FHIP2A: variants seen among roughly 807,000 people sequenced by gnomAD.
FHIP2A encodes the protein FHF complex subunit HOOK interacting protein 2A, also known as family with sequence similarity 160 member B1.
A neutral mutation model predicts 93.5 loss-of-function variants in FHIP2A; 46 were observed. The ratio of observed to expected loss-of-function variants is 0.49; its 90% CI spans 0.39 to 0.63. The LOEUF (loss-of-function observed/expected upper bound fraction) is 0.63, where lower values mean the gene tolerates loss of function less well. Among genes scored for constraint, FHIP2A ranks in the 20% least tolerant of loss-of-function variants. The pLI, the probability that FHIP2A is intolerant of heterozygous loss-of-function variation, is 0.00. For missense variants in FHIP2A, 769 were observed against 909.7 expected (o/e 0.85, Z 1.99); for synonymous variants, 332 against 326.5 (o/e 1.02, Z -0.18).
At chr10:114,892,378 G>T (rs1300402868) in intron 16 of FHIP2A, among the ~76,000 whole-genome samples, 4 of 152,168 alleles carry the variant, frequency 2.6e-5, no homozygotes, top group African/African-American at 9.7e-5. Flanking sequence ...CGGGTGCGGT[G>T]GCTCACGCCT....
intron 16 of FHIP2A, among the ~76,000 whole-genome samples, chr10:114,891,585 ATGTGTGTGTATATATGTGTG>A (rs1240152302): frequency 4.1e-5 from 5 of 123,414 alleles, no homozygotes; most frequent in African/African-American, 1.5e-4. Flanking sequence ...ACGCGTATGT[ATGTGTGTGTATATATGTGTG>A]TGTGTGTGTA....
chr10:114,835,707 T>G, intron 4 of FHIP2A, 66 bp downstream of exon 4: 3 of 1,011,608 alleles, frequency 3.0e-6, no homozygotes, highest in Non-Finnish European at 4.3e-6. Context: ...TAATTTTATA[T>G]TATTTTTCTG....
chr10:114,894,004 C>T (rs937339336), intron 16 of FHIP2A, among the ~76,000 whole-genome samples: 1 of 151,912 alleles, frequency 6.6e-6, no homozygotes, highest in Admixed American at 6.6e-5. Flanking sequence ...CTTATATTTT[C>T]AAAAACCTCC....
intron 1 of FHIP2A, among the ~76,000 whole-genome samples, chr10:114,826,320 A>G (rs1218911205): frequency 6.6e-6 from 1 of 152,254 alleles, no homozygotes; most frequent in African/African-American, 2.4e-5. Context: ...AGAGCCAGAC[A>G]GAATCATGTT....
At chr10:114,827,253 T>C (rs928433679) in intron 1 of FHIP2A, among the ~76,000 whole-genome samples, 7 of 152,168 alleles carry the variant, frequency 4.6e-5, no homozygotes, top group Non-Finnish European at 5.9e-5. Context: ...ATGTGCAAAA[T>C]TTGCAGTATT....
At chr10:114,861,381 T>C (rs2083798186) in intron 16 of FHIP2A, 47 bp downstream of exon 16, 28 of 1,613,918 alleles carry the variant, frequency 1.7e-5, no homozygotes, top group South Asian at 4.4e-5. Context: ...TTCAGTGAAC[T>C]TAATGATCGG....
Position 114,863,309 on chromosome 10 carries a change from A to G in FHIP2A, c.*1769A>G, listed in dbSNP as rs1251673085. The stretch of plus-strand genomic sequence containing the variant: ...GACATTTACATTTCTAGATGTAGTA[A>G]CAGTCTACTTTGATATATGAGTATT... On this transcript the variant is annotated 3_prime_UTR_variant, in exon 17 of 17. Transcript: ENST00000369248. The G allele has an allele frequency of 3.1e-6, 3 of 978,682 alleles. No individual in the cohort carries two copies. The highest frequency in any genetic ancestry group is 3.6e-6 in the Non-Finnish European group (3 of 823,738). The allele number at this position is 978,682 out of a possible 1,614,324, so 60.6% of individuals were successfully genotyped here. A position where few individuals can be genotyped will look rare whatever the true frequency, so the allele number is the denominator to read the frequency against.
Position 114,864,659 on chromosome 10 carries a change from C to A in FHIP2A, c.*3119C>A. 2 of 985,442 alleles carry A rather than the reference C, an allele frequency of 2.0e-6. No individual in the cohort carries two copies. The highest frequency in any genetic ancestry group is 2.4e-6 in the Non-Finnish European group (2 of 829,684). 61.0% of individuals were successfully genotyped at this position (985,442 alleles called of 1,614,324 possible). Reference sequence around the variant, plus strand: ...GATCAAGTTCAACTTTTTGTGCTAACAATGCATGCAGGACTAAGAGGGATG... The same window carrying A: ...GATCAAGTTCAACTTTTTGTGCTAAAAATGCATGCAGGACTAAGAGGGATG... On this transcript the variant is annotated 3_prime_UTR_variant, in exon 17 of 17. Coordinates refer to ENST00000369248, the MANE Select transcript of FHIP2A (RefSeq NM_020940.4).
At chr10:114,823,719 G>A (rs903742569) in intron 1 of FHIP2A, among the ~76,000 whole-genome samples, 4 of 149,944 alleles carry the variant, frequency 2.7e-5, no homozygotes, top group Middle Eastern at 3.4e-3. Flanking sequence ...GGCTGCTCTC[G>A]AACTCCTGAC....
intron 13 of FHIP2A, 83 bp from the exon 14 acceptor site, chr10:114,855,114 A>T (rs777042735): frequency 2.6e-5 from 38 of 1,441,754 alleles, no homozygotes; most frequent in Non-Finnish European, 5.7e-6. Context: ...ATGGTTTTTT[A>T]TATGCCTATT....
chr10:114,896,757 G>A (rs2084003425), intron 16 of FHIP2A, among the ~76,000 whole-genome samples: 1 of 152,178 alleles, frequency 6.6e-6, no homozygotes, highest in Non-Finnish European at 1.5e-5. Context: ...GCTGTGCCCT[G>A]ACCACCTAGG....
chr10:114,886,079 G>A (rs963851553), intron 16 of FHIP2A, among the ~76,000 whole-genome samples: 4 of 152,202 alleles, frequency 2.6e-5, no homozygotes, highest in Non-Finnish European at 5.9e-5. Flanking sequence ...TTAGTCCCTT[G>A]ATCAAATAAC....
chr10:114,845,226 T>C (rs990826870), intron 7 of FHIP2A, 141 bp from the exon 8 acceptor site: 2 of 507,046 alleles, frequency 3.9e-6, no homozygotes, highest in Non-Finnish European at 7.2e-6. Context: ...AGAATCCTCT[T>C]CTCACTGTCC....
chr10:114,851,705 C>A (rs2083737004), intron 13 of FHIP2A, among the ~76,000 whole-genome samples: 1 of 111,176 alleles, frequency 9.0e-6, no homozygotes, highest in African/African-American at 3.6e-5. Flanking sequence ...ATTACTTTGT[C>A]CATTTCTGCA....
chr10:114,833,119 T>A (rs1327343540), intron 2 of FHIP2A, 114 bp from the exon 3 acceptor site: 1 of 717,952 alleles, frequency 1.4e-6, no homozygotes, highest in African/African-American at 1.8e-5. Flanking sequence ...CACTTAAGTG[T>A]GTAGTTCAGA....
chr10:114,858,890 G>T (rs963329180), intron 14 of FHIP2A, among the ~76,000 whole-genome samples: 2 of 152,140 alleles, frequency 1.3e-5, no homozygotes, highest in Admixed American at 6.5e-5. Flanking sequence ...ACGAAGAAAA[G>T]ATAAATGCTG....
At chr10:114,822,325 TC>T (rs1031319360) in intron 1 of FHIP2A, among the ~76,000 whole-genome samples, 1 of 150,694 alleles carries the variant, frequency 6.6e-6, no homozygotes, top group Admixed American at 6.6e-5. Context: ...TCTGCGGGGG[TC>T]CCGTCGGTCC....
chr10:114,869,141 A>G (rs992352736), downstream of FHIP2A, among the ~76,000 whole-genome samples: 1 of 152,230 alleles, frequency 6.6e-6, no homozygotes, highest in African/African-American at 2.4e-5. Flanking sequence ...GGATAAAGCT[A>G]TATTTCAAAT....
chr10:114,885,873 G>A (rs2083940564), intron 16 of FHIP2A, among the ~76,000 whole-genome samples: 1 of 152,178 alleles, frequency 6.6e-6, no homozygotes, highest in African/African-American at 2.4e-5. Context: ...TGCAACCATG[G>A]TGAGTTAGGA....
Sources: gnomAD v4.1 joint callset for allele counts (sites outside exome capture counted in the v4.1 genomes callset) on GRCh38, gnomAD v4.1.1 for gene constraint, MANE v1.5 for transcripts, NCBI Gene and HGNC (gene_info 2026-07-23, HGNC 2026-07-21) for gene names.